The following SLC35F1 variants were observed in gnomAD, a reference collection of about 807,000 sequenced individuals.
The protein encoded by SLC35F1 is solute carrier family 35 member F1, also known as chromosome 6 open reading frame 169.
A neutral mutation model predicts 48.7 loss-of-function variants in SLC35F1; 14 were observed. The ratio of observed to expected loss-of-function variants is 0.29; its 90% CI spans 0.19 to 0.45. The LOEUF (loss-of-function observed/expected upper bound fraction) is 0.45. Ranked by LOEUF, SLC35F1 falls within the 20% of genes least tolerant of loss-of-function variation. The pLI is 1.00. For synonymous variants in SLC35F1, 190 were observed against 202.2 expected (o/e 0.94, Z 0.51); for missense variants, 404 against 500.0 (o/e 0.81, Z 1.83).
chr6:118,046,567 G>A (rs1282699460), intron 1 of SLC35F1, among the ~76,000 whole-genome samples: 1 of 152,072 alleles, frequency 6.6e-6, no homozygotes, highest in Non-Finnish European at 1.5e-5. Context: ...AAGTGTCTAA[G>A]GCTGTCTAGC....
intron 1 of SLC35F1, among the ~76,000 whole-genome samples, chr6:118,127,998 A>G (rs1319083371): frequency 6.6e-6 from 1 of 152,072 alleles, no homozygotes; most frequent in Non-Finnish European, 1.5e-5. Context: ...AAAGTGGGCA[A>G]AGGATATGAA....
Position 118,314,073 on chromosome 6 carries a change from C to T in SLC35F1, c.1048C>T (p.Leu350=). 6.2e-7 allele frequency: 1 copy of T among 1,614,150 alleles called. No individual in the cohort carries two copies. Among genetic ancestry groups the T allele is most frequent in the East Asian group, 2.2e-5 (1 of 44,876 alleles). ...GTCTTTCTTCACCATCCTCATTGGG[C>T]TGGTGCTCTACTCCTCCACCTCCAC... ...LLSFFTILIG[L]VLYSSTSTYI... is the part of the protein sequence containing the mutation. Residue 350 remains leucine, a synonymous_variant, in exon 8 of 8, where the codon CTG becomes TTG. Transcript: ENST00000360388.
At chr6:117,992,943 G>T (rs529770165) in intron 1 of SLC35F1, among the ~76,000 whole-genome samples, 1 of 152,314 alleles carries the variant, frequency 6.6e-6, no homozygotes, top group South Asian at 2.1e-4. Context: ...CCATAATGAT[G>T]CCACTTATTC....
rs1774767628 is a variant in SLC35F1 at position 118,193,955 on chromosome 6, A to G, written c.349+39335A>G. 1.3e-5 allele frequency among the ~76,000 whole-genome samples: 2 copies of G among 152,248 alleles called. 1 individual carries two copies. The highest frequency in any genetic ancestry group is 4.8e-5 in the African/African-American group (2 of 41,470). On this transcript the variant is annotated intron_variant, in intron 2 of 7. Transcript: ENST00000360388. ...TAAAACTTTTTATTTCTCAAAGATT[A>G]CAAAAGTCACATGAACTAAAAGCCA...
At chr6:118,101,511 G>C (rs1240617066) in intron 1 of SLC35F1, among the ~76,000 whole-genome samples, 1 of 152,190 alleles carries the variant, frequency 6.6e-6, no homozygotes, top group Non-Finnish European at 1.5e-5. Flanking sequence ...GGATATCTAA[G>C]AACTGAAGAC....
chr6:118,005,832 T>C (rs1440693360), intron 1 of SLC35F1, among the ~76,000 whole-genome samples: 1 of 152,200 alleles, frequency 6.6e-6, no homozygotes, highest in Non-Finnish European at 1.5e-5. Flanking sequence ...CCAGCTCCTC[T>C]ATGAATCCTC....
intron 1 of SLC35F1, among the ~76,000 whole-genome samples, chr6:118,001,084 A>T (rs1316943348): frequency 6.6e-6 from 1 of 152,158 alleles, no homozygotes; most frequent in Non-Finnish European, 1.5e-5. Flanking sequence ...TTCTTCACAG[A>T]ATTGGAAAAA....
intron 1 of SLC35F1, among the ~76,000 whole-genome samples, chr6:118,152,869 T>C (rs1441440088): frequency 6.6e-6 from 1 of 151,106 alleles, no homozygotes; most frequent in Non-Finnish European, 1.5e-5. Flanking sequence ...CTGCATTCTG[T>C]GGGGAACTAT....
intron 1 of SLC35F1, among the ~76,000 whole-genome samples, chr6:118,000,964 G>C (rs1454848767): frequency 2.0e-5 from 3 of 151,952 alleles, no homozygotes; most frequent in Non-Finnish European, 4.4e-5. Context: ...ACAAACAAAT[G>C]GAAGAACATT....
At chr6:118,293,310 G>C (rs1365444634) in intron 7 of SLC35F1, among the ~76,000 whole-genome samples, 1 of 152,086 alleles carries the variant, frequency 6.6e-6, no homozygotes, top group Admixed American at 6.5e-5. Context: ...AGGCTCTAGG[G>C]GAGAATCCAT....
intron 5 of SLC35F1, among the ~76,000 whole-genome samples, chr6:118,276,972 C>T (rs1487582847): frequency 1.3e-5 from 2 of 152,196 alleles, no homozygotes; most frequent in African/African-American, 4.8e-5. Context: ...GCAGCACTGA[C>T]ATCACATGAG....
intron 2 of SLC35F1, among the ~76,000 whole-genome samples, chr6:118,199,362 G>T (rs1774843341): frequency 6.6e-6 from 1 of 152,162 alleles, no homozygotes; most frequent in Non-Finnish European, 1.5e-5. Flanking sequence ...CTCATACTGT[G>T]TGTGTTGTTC....
chr6:118,262,223 G>A (rs1775722039), intron 3 of SLC35F1, among the ~76,000 whole-genome samples: 1 of 152,096 alleles, frequency 6.6e-6, no homozygotes, highest in African/African-American at 2.4e-5. Flanking sequence ...GGGGTCTGCG[G>A]AGTGCTGGCA....
intron 3 of SLC35F1, among the ~76,000 whole-genome samples, chr6:118,256,556 G>A (rs1775648984): frequency 6.6e-6 from 1 of 152,104 alleles, no homozygotes; most frequent in Non-Finnish European, 1.5e-5. Context: ...AAAGAGGGAT[G>A]AGGTCACCTC....
chr6:118,259,714 A>AG (rs1319189080), intron 3 of SLC35F1, among the ~76,000 whole-genome samples: 1 of 151,674 alleles, frequency 6.6e-6, no homozygotes, highest in Non-Finnish European at 1.5e-5. Flanking sequence ...CAAAAAAAAA[A>AG]ATACAGTAAC....
At chr6:117,949,848 T>C (rs928594126) in intron 1 of SLC35F1, among the ~76,000 whole-genome samples, 1 of 152,130 alleles carries the variant, frequency 6.6e-6, no homozygotes. Context: ...TTACTCTCTG[T>C]CTCGGGGATA....
chr6:118,303,591 T>A (rs1235239692), intron 7 of SLC35F1, among the ~76,000 whole-genome samples: 5 of 152,238 alleles, frequency 3.3e-5, no homozygotes, highest in African/African-American at 9.6e-5. Flanking sequence ...TCTATGCTTA[T>A]CGTGGTACTC....
At chr6:118,011,362 T>G (rs1179271708) in intron 1 of SLC35F1, among the ~76,000 whole-genome samples, 2 of 152,100 alleles carry the variant, frequency 1.3e-5, no homozygotes, top group Non-Finnish European at 2.9e-5. Context: ...GGGAAGCAGG[T>G]ACATCTTCAC....
intron 1 of SLC35F1, among the ~76,000 whole-genome samples, chr6:117,912,308 A>T (rs937162948): frequency 6.6e-6 from 1 of 152,254 alleles, no homozygotes; most frequent in East Asian, 1.9e-4. Flanking sequence ...GGATATACAT[A>T]GAAGAGTTTG....
Sources: allele counts gnomAD v4.1 joint callset (sites outside exome capture counted in the v4.1 genomes callset), GRCh38; gene constraint gnomAD v4.1.1; transcripts MANE v1.5; gene names NCBI Gene and HGNC (gene_info 2026-07-23, HGNC 2026-07-21).